ZDHHC9: variants seen among roughly 807,000 people sequenced by gnomAD.
ZDHHC9 encodes zDHHC palmitoyltransferase 9, also known as palmitoyltransferase ZDHHC9.
In ZDHHC9, 3 loss-of-function variants were observed where a neutral mutation model predicts 26.6. The observed-to-expected ratio is 0.11, with a 90% CI of 0.05 to 0.29. The LOEUF (loss-of-function observed/expected upper bound fraction) is 0.29. ZDHHC9 is among the 10% of genes least tolerant of loss of function. The pLI is 1.00. For synonymous variants in ZDHHC9, 111 were observed against 109.4 expected, an observed-to-expected ratio of 1.01 and a Z score of -0.09; for missense variants, 146 against 296.4, an observed-to-expected ratio of 0.49 and a Z score of 3.73.
intron 8 of ZDHHC9, among the ~76,000 whole-genome samples, chrX:129,812,100 T>C (rs1181986405): frequency 2.8e-5 from 3 of 108,678 alleles, no homozygotes; most frequent in Admixed American, 9.8e-5. Flanking sequence ...TTTTTTTTTT[T>C]CCAGACAGAG....
intron 5 of ZDHHC9, among the ~76,000 whole-genome samples, chrX:129,816,878 T>TTTTA (rs1174575490): frequency 9.0e-6 from 1 of 111,183 alleles, no homozygotes; most frequent in Non-Finnish European, 1.9e-5. Context: ...AAATTTTTAT[T>TTTTA]TTTATTTATT....
chrX:129,820,230 C>G, intron 5 of ZDHHC9, among the ~76,000 whole-genome samples: 1 of 111,116 alleles, frequency 9.0e-6, no homozygotes, highest in East Asian at 2.8e-4. Flanking sequence ...CCAATTTACA[C>G]TCTTACTAGT....
chrX:129,809,988 CAA>C (rs55755290), intron 10 of ZDHHC9, among the ~76,000 whole-genome samples: 3 of 58,622 alleles, frequency 5.1e-5, no homozygotes, highest in Admixed American at 4.9e-4. Flanking sequence ...GACTCCGTCT[CAA>C]AAAAAAAAAA....
chrX:129,840,962 A>G (rs1007497481), intron 3 of ZDHHC9, among the ~76,000 whole-genome samples: 4 of 110,645 alleles, frequency 3.6e-5, no homozygotes, highest in Non-Finnish European at 7.6e-5. Context: ...GTCCACACAC[A>G]CACCTCTTGG....
chrX:129,830,932 T>C (rs912456277), intron 3 of ZDHHC9, among the ~76,000 whole-genome samples: 2 of 111,576 alleles, frequency 1.8e-5, no homozygotes, highest in African/African-American at 6.5e-5. Flanking sequence ...GTGACTTTTG[T>C]GTTTGCTTGC....
chrX:129,835,873 G>C (rs902029586), intron 3 of ZDHHC9, among the ~76,000 whole-genome samples: 7 of 112,644 alleles, frequency 6.2e-5, no homozygotes, highest in African/African-American at 2.3e-4. Context: ...TCTCTCTCAA[G>C]GAACATACTT....
At position 129,841,810 on chromosome X, in the gene ZDHHC9, G is replaced by A. The variant is rs768836456; in HGVS notation, c.136C>T (p.Leu46=). Residue 46 remains leucine (L), a synonymous_variant, in exon 3 of 11, where the codon CTG becomes TTG. Transcript: ENST00000357166. ...GIFYLTLFLI[L]GTCTLFFAFE... ...GCGAAGAAGAGTGTACATGTCCCCA[G>A]GATGAGGAAAAGGGTCAGGTAGAAA... is the stretch of plus-strand genomic sequence containing the variant. 1 of 1,211,783 alleles carries A rather than the reference G, an allele frequency of 8.3e-7. No homozygotes were observed. The highest frequency in any genetic ancestry group is 1.7e-5 in the African/African-American group (1 of 57,777).
At chrX:129,813,292 G>A (rs776769285) in intron 7 of ZDHHC9, among the ~76,000 whole-genome samples, 1 of 111,869 alleles carries the variant, frequency 8.9e-6, no homozygotes, top group African/African-American at 3.2e-5. Flanking sequence ...CAAGCTACTC[G>A]GGAGGCTGAG....
chrX:129,823,489 G>T (rs1201362666), intron 5 of ZDHHC9, 190 bp downstream of exon 5: 5 of 441,125 alleles, frequency 1.1e-5, no homozygotes, highest in African/African-American at 1.0e-4. Context: ...TTTAAATTTT[G>T]ATTTGATCTA....
intron 5 of ZDHHC9, among the ~76,000 whole-genome samples, chrX:129,817,174 C>T (rs1046773253): frequency 9.0e-5 from 10 of 111,518 alleles, no homozygotes; most frequent in African/African-American, 2.9e-4. Context: ...TGCGCCCGGC[C>T]GAAGTTCAAA....
chrX:129,805,676 T>C lies in ZDHHC9; in HGVS notation c.*694A>G, dbSNP rs1201542888. 1 of 112,407 alleles carries C rather than the reference T, an allele frequency of 8.9e-6. No individual in the cohort carries two copies. The highest frequency in any genetic ancestry group is 1.9e-5 in the Non-Finnish European group (1 of 53,313). The allele number at this position is 112,407 out of a possible 1,213,427, so 9.3% of individuals were successfully genotyped here. A position where few individuals can be genotyped will look rare whatever the true frequency, so the allele number is the denominator to read the frequency against. The stretch of plus-strand genomic sequence containing the variant: ...ATGGCACAGGTATTAAAAAAGTTTC[T>C]GGGTAGTCTACGAGAAATGTCAATT... On this transcript the variant is annotated 3_prime_UTR_variant, in exon 11 of 11. Transcript: ENST00000357166.
In ZDHHC9 at chrX:129,806,213, C is replaced by A. The variant is rs1361877552; in HGVS notation, c.*157G>T. 2 of 539,474 alleles carry A rather than the reference C, an allele frequency of 3.7e-6. No homozygotes were observed. The highest frequency in any genetic ancestry group is 6.5e-6 in the Non-Finnish European group (2 of 306,199). 44.5% of individuals were successfully genotyped at this position (539,474 alleles called of 1,213,427 possible). On this transcript the variant is annotated 3_prime_UTR_variant, in exon 11 of 11. Coordinates refer to ENST00000357166, the MANE Select transcript of ZDHHC9 (RefSeq NM_016032.4). Reference sequence around the variant, plus strand: ...GAGTTCAGAAATTTAAAAAAGCTTGCAGCAAGAAAATGCCAGTGTGCAACT... The same window carrying A: ...GAGTTCAGAAATTTAAAAAAGCTTGAAGCAAGAAAATGCCAGTGTGCAACT...
At chrX:129,839,637 G>A (rs1456285674) in intron 3 of ZDHHC9, among the ~76,000 whole-genome samples, 4 of 111,672 alleles carry the variant, frequency 3.6e-5, no homozygotes, top group African/African-American at 1.3e-4. Flanking sequence ...TCAGAGGCAT[G>A]CTGGTGTACC....
At chrX:129,828,849 T>C in intron 4 of ZDHHC9, 132 bp downstream of exon 4, 1 of 899,536 alleles carries the variant, frequency 1.1e-6, no homozygotes, top group Non-Finnish European at 1.6e-6. Context: ...GTAGTCATGA[T>C]CTCAGATTCA....
chrX:129,818,879 T>G (rs1192712841), intron 5 of ZDHHC9, among the ~76,000 whole-genome samples: 3 of 111,112 alleles, frequency 2.7e-5, no homozygotes, highest in African/African-American at 9.8e-5. Context: ...AAGAATAAAA[T>G]ACATCAATTT....
chrX:129,825,005 G>GA (rs1163971690), intron 4 of ZDHHC9, among the ~76,000 whole-genome samples: 3 of 111,951 alleles, frequency 2.7e-5, no homozygotes, highest in Non-Finnish European at 5.6e-5. Context: ...AAAAATTTTG[G>GA]AAAAAAACAG....
chrX:129,811,287 CT>C (rs1168424583), intron 9 of ZDHHC9, 118 bp downstream of exon 9: 1 of 628,140 alleles, frequency 1.6e-6, no homozygotes, highest in East Asian at 3.3e-5. Flanking sequence ...GTGGCAAGCC[CT>C]GGAAAGACCT....
rs1308412426 is a variant in ZDHHC9 at position 129,823,695 on chromosome X, G to A, written c.471C>T (p.Ile157=). The part of the protein sequence containing the change: ...FRPPRASHCS[I]CDNCVERFDH... ...TTTACTCACCCACACAGTTGTCACA[G>A]ATGCTGCAATGGGAGGCCCGGGGAG... The change falls in exon 5 of 11, where the codon ATC becomes ATT. Residue 157 remains isoleucine (I), a synonymous_variant. Coordinates refer to ENST00000357166, the MANE Select transcript of ZDHHC9 (RefSeq NM_016032.4). 2.5e-6 allele frequency: 3 copies of A among 1,212,545 alleles called. No individual in the cohort carries two copies. Among genetic ancestry groups the A allele is most frequent in the South Asian group, 1.8e-5 (1 of 57,069 alleles).
chrX:129,832,264 A>G (rs1265974311), intron 3 of ZDHHC9, among the ~76,000 whole-genome samples: 1 of 111,054 alleles, frequency 9.0e-6, no homozygotes, highest in African/African-American at 3.3e-5. Flanking sequence ...GTCTCTGACA[A>G]GAATAAGCTA....
Sources: gnomAD v4.1 joint callset for allele counts (sites outside exome capture counted in the v4.1 genomes callset) on GRCh38, gnomAD v4.1.1 for gene constraint, MANE v1.5 for transcripts, NCBI Gene and HGNC (gene_info 2026-07-23, HGNC 2026-07-21) for gene names.